The following ACSL5 variants were observed in gnomAD, a reference collection of about 807,000 sequenced individuals.
The protein encoded by ACSL5 is long-chain-fatty-acid--CoA ligase 5.
ACSL5 carries 50 observed loss-of-function variants against 84.9 expected under a neutral mutation model. The observed-to-expected ratio is 0.59, with a 90% CI of 0.47 to 0.75. The LOEUF is 0.75. Among genes scored for constraint, ACSL5 ranks in the 30% least tolerant of loss-of-function variants. ACSL5 has a pLI of 0.00. For synonymous variants in ACSL5, 280 were observed against 300.7 expected (o/e 0.93, Z 0.71); for missense variants, 775 against 830.4 (o/e 0.93, Z 0.82).
intron 1 of ACSL5, among the ~76,000 whole-genome samples, chr10:112,379,196 G>T (rs534295819): frequency 6.6e-6 from 1 of 152,190 alleles, no homozygotes; most frequent in African/African-American, 2.4e-5. Context: ...CTTGAAATCA[G>T]GAGTTTGAGA....
chr10:112,411,158 T>C (rs1844166702), intron 9 of ACSL5, among the ~76,000 whole-genome samples: 1 of 152,182 alleles, frequency 6.6e-6, no homozygotes, highest in South Asian at 2.1e-4. Context: ...CAGCATGAGA[T>C]GTGGGGCAGA....
At chr10:112,408,764 G>T in intron 6 of ACSL5, 1 of 440,844 alleles carries the variant, frequency 2.3e-6, no homozygotes, top group South Asian at 2.3e-5. Flanking sequence ...GGGTGACATG[G>T]TATGATGATA....
intron 1 of ACSL5, among the ~76,000 whole-genome samples, chr10:112,387,798 A>G (rs1370718345): frequency 6.6e-6 from 1 of 152,244 alleles, no homozygotes; most frequent in African/African-American, 2.4e-5. Flanking sequence ...GCAAAAGAAC[A>G]CAGAAATCAA....
intron 17 of ACSL5, among the ~76,000 whole-genome samples, chr10:112,423,167 G>A (rs1372879785): frequency 9.8e-6 from 1 of 101,824 alleles, no homozygotes; most frequent in Non-Finnish European, 1.9e-5. Context: ...CAGCCTGGGG[G>A]ACAGAGCGAG....
intron 1 of ACSL5, among the ~76,000 whole-genome samples, chr10:112,390,695 G>A (rs1385941534): frequency 6.6e-6 from 1 of 151,050 alleles, no homozygotes; most frequent in Non-Finnish European, 1.5e-5. Flanking sequence ...TAGATAGATA[G>A]ATAGAGTGTA....
chr10:112,391,190 C>T (rs1252345456), intron 1 of ACSL5, among the ~76,000 whole-genome samples: 3 of 152,030 alleles, frequency 2.0e-5, no homozygotes, highest in East Asian at 1.9e-4. Context: ...ACCAGCCTGG[C>T]CAACATGGTG....
At chr10:112,423,060 C>T (rs7899118) in intron 17 of ACSL5, among the ~76,000 whole-genome samples, 130 of 142,716 alleles carry the variant, frequency 9.1e-4, no homozygotes, top group African/African-American at 2.8e-3. Flanking sequence ...TGGTGGTGGG[C>T]GCCTGTAGTT....
At chr10:112,376,608 G>C (rs1393094721) in intron 1 of ACSL5, among the ~76,000 whole-genome samples, 1 of 152,012 alleles carries the variant, frequency 6.6e-6, no homozygotes, top group African/African-American at 2.4e-5. Context: ...TCCTGGTCTC[G>C]GTCATGCCTT....
chr10:112,376,094 C>T (rs1189895709), intron 1 of ACSL5: 3 of 576,942 alleles, frequency 5.2e-6, no homozygotes, highest in South Asian at 2.9e-5. Context: ...TGTGTCGGCC[C>T]TTAGGGGCTG....
chr10:112,422,851 CA>C (rs527977518), intron 17 of ACSL5, among the ~76,000 whole-genome samples: 1,167 of 56,630 alleles, frequency 0.021, 7 homozygotes, highest in African/African-American at 0.052. Flanking sequence ...GACTCTGTCT[CA>C]AAAAAAAAAA....
chr10:112,382,119 G>A (rs899260215), intron 1 of ACSL5, among the ~76,000 whole-genome samples: 1 of 152,254 alleles, frequency 6.6e-6, no homozygotes, highest in South Asian at 2.1e-4. Flanking sequence ...ACACTGCCTG[G>A]CACACAGTAG....
intron 14 of ACSL5, 131 bp from the exon 15 acceptor site, chr10:112,421,462 G>T (rs371805076): frequency 4.0e-6 from 3 of 754,412 alleles, no homozygotes; most frequent in Admixed American, 4.4e-5. Flanking sequence ...CCCCCTCCAA[G>T]TTCAAGGTTT....
At chr10:112,415,831 A>G (rs1040724021) in intron 12 of ACSL5, among the ~76,000 whole-genome samples, 1 of 152,230 alleles carries the variant, frequency 6.6e-6, no homozygotes. Context: ...GTAGGGTGGA[A>G]TCTTGAAAGC....
In ACSL5 at chr10:112,425,401, A is replaced by G. The variant is rs779225609; in HGVS notation, c.1657A>G (p.Ile553Val). 4.3e-6 allele frequency: 7 copies of G among 1,613,616 alleles called. No homozygotes were observed. The change falls in exon 18 of 21, where the codon ATT becomes GTT. Residue 553 changes from isoleucine to valine, a missense_variant. Physicochemically the swap from Ile to Val is conservative, Grantham distance 29. Transcript: ENST00000354655. ...NIFKLAQGEYIAPEKIENIYN... is the reference protein window; with the variant it reads ...NIFKLAQGEYVAPEKIENIYN... ...TTTCAAGCTGGCCCAAGGAGAATAC[A>G]TTGCACCAGAGAAGATAGAAAATAT...
rs2133690663 is a variant in ACSL5 at position 112,426,262 on chromosome 10, C to A, written c.1742C>A (p.Ser581Tyr). 6.2e-7 allele frequency: 1 copy of A among 1,613,808 alleles called. No homozygotes were observed. Among genetic ancestry groups the A allele is most frequent in the South Asian group, 1.1e-5 (1 of 91,068 alleles). ...IFVHGESLRSSLVGVVVPDTD... is the reference protein window; with the variant it reads ...IFVHGESLRSYLVGVVVPDTD... Reference sequence around the variant, plus strand: ...CCTTTTATTTCCTTTCCATAGTCATCCTTAGTAGGAGTGGTGGTTCCTGAC... The same window carrying A: ...CCTTTTATTTCCTTTCCATAGTCATACTTAGTAGGAGTGGTGGTTCCTGAC... The change falls in exon 19 of 21, where the codon TCC (serine) becomes TAC (tyrosine). Residue 581 changes from serine to tyrosine, a missense_variant. By Grantham distance (144) the Ser-to-Tyr change is moderately radical. Transcript: ENST00000354655.
intron 14 of ACSL5, among the ~76,000 whole-genome samples, chr10:112,418,547 A>G (rs1300443910): frequency 6.6e-6 from 1 of 152,020 alleles, no homozygotes; most frequent in African/African-American, 2.4e-5. Flanking sequence ...GCGCCACTGC[A>G]CTCCAGCCTG....
intron 12 of ACSL5, 70 bp downstream of exon 12, chr10:112,413,377 G>A (rs966034220): frequency 1.3e-6 from 2 of 1,551,414 alleles, no homozygotes; most frequent in African/African-American, 2.7e-5. Flanking sequence ...ACTACTATGA[G>A]ATTTACTCCA....
intron 9 of ACSL5, 138 bp from the exon 10 acceptor site, chr10:112,411,318 C>A (rs1465249753): frequency 2.9e-6 from 2 of 691,174 alleles, no homozygotes; most frequent in Non-Finnish European, 5.0e-6. Flanking sequence ...AGGCATATAC[C>A]ATCCACAAAA....
At chr10:112,400,212 T>G (rs1005322936) in intron 3 of ACSL5, among the ~76,000 whole-genome samples, 2 of 151,742 alleles carry the variant, frequency 1.3e-5, no homozygotes, top group Non-Finnish European at 2.9e-5. Context: ...TCCTTTGGGG[T>G]TTTTTCCTTT....
Sources: allele counts gnomAD v4.1 joint callset (sites outside exome capture counted in the v4.1 genomes callset), GRCh38; gene constraint gnomAD v4.1.1; transcripts MANE v1.5; gene names NCBI Gene and HGNC (gene_info 2026-07-23, HGNC 2026-07-21).